SLC7A7: variants seen among roughly 807,000 people sequenced by gnomAD.
SLC7A7 encodes the protein Y+L amino acid transporter 1.
In SLC7A7, 39 loss-of-function variants were observed where a neutral mutation model predicts 47.9. That is an observed-to-expected ratio of 0.81 (90% CI 0.63 to 1.06). The LOEUF (loss-of-function observed/expected upper bound fraction) is 1.06. SLC7A7 is among the 50% of genes least tolerant of loss of function. The probability of loss-of-function intolerance (pLI) is 0.00; values close to 1 mark genes in which losing one functional copy is unlikely to be tolerated. For synonymous variants in SLC7A7, 234 were observed against 242.8 expected (o/e 0.96, Z 0.34); for missense variants, 588 against 632.0 (o/e 0.93, Z 0.75).
rs1210731853 is a variant in SLC7A7, at chr14:22,773,317, A to G, written c.*293T>C. The G allele has an allele frequency of 5.8e-6, 3 of 520,396 alleles. No homozygotes were observed. Among genetic ancestry groups the G allele is most frequent in the Non-Finnish European group, 1.1e-5 (3 of 271,258 alleles). The allele number at this position is 520,396 out of a possible 1,614,324, so 32.2% of individuals were successfully genotyped here. On this transcript the variant is annotated 3_prime_UTR_variant, in exon 10 of 10. Transcript: ENST00000674313. ...AATTGGAGCATTGTGGGCCCTTTTA[A>G]AAGAAAAGAGGAGTAGGTAGGCACA...
intron 2 of SLC7A7, among the ~76,000 whole-genome samples, chr14:22,793,746 G>C (rs932826527): frequency 7.2e-5 from 11 of 152,056 alleles, no homozygotes; most frequent in Non-Finnish European, 7.3e-5. Flanking sequence ...AACTCGGGAG[G>C]TGGAGGTGGC....
chr14:22,808,887 A>G (rs2039255422), intron 2 of SLC7A7, among the ~76,000 whole-genome samples: 1 of 152,366 alleles, frequency 6.6e-6, no homozygotes, highest in African/African-American at 2.4e-5. Flanking sequence ...TAAGTGACCA[A>G]GAAAGACAGT....
intron 4 of SLC7A7, among the ~76,000 whole-genome samples, chr14:22,778,181 C>T (rs746950686): frequency 2.0e-5 from 3 of 152,144 alleles, no homozygotes; most frequent in East Asian, 1.9e-4. Context: ...AGAATTTAAC[C>T]CCCTCAATTA....
chr14:22,788,091 A>G (rs1016062677), intron 2 of SLC7A7, among the ~76,000 whole-genome samples: 1 of 152,128 alleles, frequency 6.6e-6, no homozygotes, highest in Non-Finnish European at 1.5e-5. Flanking sequence ...AAAAATTAAA[A>G]TGTTGACTAA....
intron 2 of SLC7A7, among the ~76,000 whole-genome samples, chr14:22,804,058 A>G (rs1372455787): frequency 6.6e-6 from 1 of 152,160 alleles, no homozygotes; most frequent in Non-Finnish European, 1.5e-5. Flanking sequence ...ATGCCTTGAT[A>G]GTGAACACAC....
At position 22,778,248 on chromosome 14, in the gene SLC7A7, A is replaced by T. The variant is rs74929320; in HGVS notation, c.770+545T>A. The stretch of plus-strand genomic sequence containing the variant: ...GCAACTCCCTCAAGGTTAGCCAACA[A>T]GTCAGTGGAAAGATCAACTCTAGGT... On this transcript the variant is annotated intron_variant, in intron 4 of 9. Coordinates refer to ENST00000674313, the MANE Select transcript of SLC7A7 (RefSeq NM_003982.4). 2.4e-4 allele frequency among the ~76,000 whole-genome samples: 36 copies of T among 152,328 alleles called. 1 individual carries two copies. The East Asian group carries it at 6.4e-3, about 27-fold the overall frequency.
At chr14:22,807,191 G>T (rs994081205) in intron 2 of SLC7A7, among the ~76,000 whole-genome samples, 1 of 151,954 alleles carries the variant, frequency 6.6e-6, no homozygotes, top group South Asian at 2.1e-4. Context: ...GAGCCACCGC[G>T]CCGGGCCAAC....
At chr14:22,787,992 G>C (rs1290677038) in intron 2 of SLC7A7, among the ~76,000 whole-genome samples, 1 of 151,470 alleles carries the variant, frequency 6.6e-6, no homozygotes, top group Non-Finnish European at 1.5e-5. Context: ...AGAATGGCGT[G>C]AACCCGGGAG....
intron 4 of SLC7A7, among the ~76,000 whole-genome samples, chr14:22,778,471 GATAAA>G (rs1284238411): frequency 6.6e-6 from 1 of 152,176 alleles, no homozygotes; most frequent in Non-Finnish European, 1.5e-5. Flanking sequence ...GATAAGGGTG[GATAAA>G]ATATCTATCA....
chr14:22,778,586 A>G (rs1261727328), intron 4 of SLC7A7, among the ~76,000 whole-genome samples: 1 of 152,208 alleles, frequency 6.6e-6, no homozygotes, highest in Non-Finnish European at 1.5e-5. Flanking sequence ...TTAAAAATTT[A>G]CAAAGCATAC....
At chr14:22,812,785 A>ATATATATATATATATATATATC in intron 2 of SLC7A7, 115 bp downstream of exon 2, 2 of 705,584 alleles carry the variant, frequency 2.8e-6, no homozygotes, top group Non-Finnish European at 2.2e-6. Context: ...ATATATATAT[A>ATATATATATATATATATATATC]TATATATGTT....
chr14:22,812,572 G>T (rs1477385909), intron 2 of SLC7A7, among the ~76,000 whole-genome samples: 5 of 150,882 alleles, frequency 3.3e-5, no homozygotes, highest in Non-Finnish European at 7.4e-5. Flanking sequence ...GAAGTTCGAG[G>T]CTGAAGTAAG....
At chr14:22,806,906 T>TC (rs1271364896) in intron 2 of SLC7A7, among the ~76,000 whole-genome samples, 1 of 149,878 alleles carries the variant, frequency 6.7e-6, no homozygotes, top group East Asian at 2.0e-4. Context: ...TTTTTTTTTT[T>TC]TTTTTTTTTG....
intron 2 of SLC7A7, among the ~76,000 whole-genome samples, chr14:22,784,043 G>A (rs1381963411): frequency 1.3e-5 from 2 of 152,352 alleles, no homozygotes; most frequent in African/African-American, 4.8e-5. Context: ...CTGACCACTG[G>A]CCCCAGAGCC....
Position 22,773,701 on chromosome 14 carries a change from T to A in SLC7A7, c.1445A>T (p.Tyr482Phe). Reference protein sequence around the residue: ...LRRIVGSATRYLQVLCMSVAA... With the variant: ...LRRIVGSATRFLQVLCMSVAA... ...AACTGACATACACAGGACCTGGAGG[T>A]ACCTTGTGGCAGACCCTACAAAGAG... Residue 482 changes from tyrosine to phenylalanine, a missense_variant, in exon 10 of 10, where the codon TAC becomes TTC. By Grantham distance (22) the Tyr-to-Phe change is conservative. Coordinates refer to ENST00000674313, the MANE Select transcript of SLC7A7 (RefSeq NM_003982.4). 6.2e-7 allele frequency: 1 copy of A among 1,614,084 alleles called. No homozygotes were observed. Among genetic ancestry groups the A allele is most frequent in the South Asian group, 1.1e-5 (1 of 91,086 alleles).
chr14:22,812,166 T>C (rs1181064042), intron 2 of SLC7A7, among the ~76,000 whole-genome samples: 1 of 152,004 alleles, frequency 6.6e-6, no homozygotes, highest in African/African-American at 2.4e-5. Flanking sequence ...ACCTCTTTTT[T>C]TTTTATTTTT....
chr14:22,774,026 C>T lies in SLC7A7; in HGVS notation c.1336G>A (p.Gly446Ser), dbSNP rs752721309. 2.2e-5 allele frequency: 36 copies of T among 1,613,948 alleles called. No homozygotes were observed. The highest frequency in any genetic ancestry group is 2.5e-5 in the Non-Finnish European group (29 of 1,180,046). The change falls in exon 9 of 10, where the codon GGC becomes AGC. Residue 446 changes from glycine (G) to serine (S), a missense_variant. Transcript: ENST00000674313. Reference protein sequence around the residue: ...LYSDTINSLIGIAIALSGLPF... With the variant: ...LYSDTINSLISIAIALSGLPF... ...AGGCCTGAGAGGGCAATGGCAATGCCGATGAGGGAGTTGATAGTATCACTG... is the reference window on the plus strand; with the variant it reads ...AGGCCTGAGAGGGCAATGGCAATGCTGATGAGGGAGTTGATAGTATCACTG...
Position 22,773,921 on chromosome 14 carries a change from T to C in SLC7A7, c.1429+12A>G, listed in dbSNP as rs1286310764. 1.9e-6 allele frequency: 3 copies of C among 1,613,650 alleles called. No homozygotes were observed. The highest frequency in any genetic ancestry group is 1.1e-5 in the South Asian group (1 of 91,066). ...TGCAATAGCTGAGCGGACTTAAGGATGCACGGCTTACCCACGATCCTTCGG... is the reference window on the plus strand; with the variant it reads ...TGCAATAGCTGAGCGGACTTAAGGACGCACGGCTTACCCACGATCCTTCGG... On this transcript the variant is annotated intron_variant, in intron 9 of 9. Coordinates refer to ENST00000674313, the MANE Select transcript of SLC7A7 (RefSeq NM_003982.4).
rs760264843 is a variant in SLC7A7 at position 22,773,629 on chromosome 14, C to T, written c.1517G>A (p.Arg506Gln). 1.9e-5 allele frequency: 30 copies of T among 1,613,930 alleles called. No homozygotes were observed. Among genetic ancestry groups the T allele is most frequent in the African/African-American group, 4.0e-5 (3 of 74,906 alleles). ...LEDGGEMPKQ[R>Q]DPKSN ...TGGTGTTTAGTTAGATTTGGGATCC[C>T]GTTGCTTGGGCATCTCTCCTCCATC... Residue 506 changes from arginine (R) to glutamine (Q), a missense_variant, in exon 10 of 10, where the codon CGG becomes CAG. Coordinates refer to ENST00000674313, the MANE Select transcript of SLC7A7 (RefSeq NM_003982.4).
Sources: gnomAD v4.1 joint callset for allele counts (sites outside exome capture counted in the v4.1 genomes callset) on GRCh38, gnomAD v4.1.1 for gene constraint, MANE v1.5 for transcripts, NCBI Gene and HGNC (gene_info 2026-07-23, HGNC 2026-07-21) for gene names.